Variants in ZNF385D observed in about 807,000 individuals in gnomAD.
The protein encoded by ZNF385D is zinc finger protein 385D.
A neutral mutation model predicts 35.8 loss-of-function variants in ZNF385D; 15 were observed. The observed-to-expected ratio is 0.42, with a 90% CI of 0.28 to 0.64. The LOEUF (loss-of-function observed/expected upper bound fraction) is 0.64, where lower values mean the gene tolerates loss of function less well. Among genes scored for constraint, ZNF385D ranks in the 30% least tolerant of loss-of-function variants. ZNF385D has a pLI of 0.23. For missense variants in ZNF385D, 474 were observed against 494.6 expected, an observed-to-expected ratio of 0.96 and a Z score of 0.39; for synonymous variants, 212 against 186.8, an observed-to-expected ratio of 1.13 and a Z score of -1.10.
At chr3:21,764,580 C>T (rs1486858450) in intron 3 of ZNF385D, among the ~76,000 whole-genome samples, 1 of 152,178 alleles carries the variant, frequency 6.6e-6, no homozygotes, top group Non-Finnish European at 1.5e-5. Flanking sequence ...TTTTGCATGG[C>T]TGGGCTTGTC....
rs1323244009 is a variant in ZNF385D at position 21,675,054 on chromosome 3, C to T, written c.23-10026G>A. Among the ~76,000 whole-genome samples, 13 of 151,994 alleles carry T rather than the reference C, an allele frequency of 8.6e-5. 1 individual carries two copies. Among genetic ancestry groups the T allele is most frequent in the Non-Finnish European group, 1.6e-4 (11 of 67,986 alleles). On this transcript the variant is annotated intron_variant, in intron 1 of 7. Transcript: ENST00000281523. ...TTGTGTCCAAATTAACAATGGTGTA[C>T]ATTTACAAACCAGCAGCTTCTTTGA...
At chr3:22,325,178 G>A (rs778459294) in intron 2 of ZNF385D, among the ~76,000 whole-genome samples, 1 of 152,130 alleles carries the variant, frequency 6.6e-6, no homozygotes, top group Non-Finnish European at 1.5e-5. Flanking sequence ...GGAAGTCCAG[G>A]TGTTTTGTCC....
At chr3:21,785,460 C>T (rs192584369) in intron 3 of ZNF385D, among the ~76,000 whole-genome samples, 47 of 152,174 alleles carry the variant, frequency 3.1e-4, no homozygotes, top group Admixed American at 3.1e-3. Context: ...TTTCAGTACA[C>T]TATGCAATAT....
chr3:21,741,369 C>T (rs1329552630), intron 1 of ZNF385D, among the ~76,000 whole-genome samples: 3 of 152,182 alleles, frequency 2.0e-5, no homozygotes, highest in Admixed American at 6.5e-5. Context: ...TTAACTGATA[C>T]ATTTTCCTTA....
At chr3:21,979,162 G>C (rs1025145232) in intron 3 of ZNF385D, among the ~76,000 whole-genome samples, 2 of 152,110 alleles carry the variant, frequency 1.3e-5, no homozygotes, top group Admixed American at 6.5e-5. Flanking sequence ...CTGTAGAATA[G>C]TCTGGGCTGG....
At chr3:22,271,608 TTG>T (rs887738997) in intron 2 of ZNF385D, among the ~76,000 whole-genome samples, 2 of 151,956 alleles carry the variant, frequency 1.3e-5, no homozygotes, top group Non-Finnish European at 2.9e-5. Flanking sequence ...CCATGTTCTT[TTG>T]TGTTTCCTGA....
rs201594369 is a variant in ZNF385D, at chr3:21,728,095, A to G, written c.22+22800T>C. Among the ~76,000 whole-genome samples, 83 of 152,204 alleles carry G rather than the reference A, an allele frequency of 5.5e-4. 1 individual carries two copies. The East Asian group carries it at 0.014, about 26-fold the overall frequency. On this transcript the variant is annotated intron_variant, in intron 1 of 7. Transcript: ENST00000281523. Reference sequence around the variant, plus strand: ...CGTGGGAGTTGAACAATGAGAACACATGGACACAGGGAGTGAACATCACAC... The same window carrying G: ...CGTGGGAGTTGAACAATGAGAACACGTGGACACAGGGAGTGAACATCACAC...
chr3:21,619,443 T>C (rs1575333713), intron 2 of ZNF385D, among the ~76,000 whole-genome samples: 1 of 151,998 alleles, frequency 6.6e-6, no homozygotes, highest in African/African-American at 2.4e-5. Flanking sequence ...TGTGTGTCTA[T>C]GCATGTAAGT....
intron 3 of ZNF385D, among the ~76,000 whole-genome samples, chr3:22,095,744 A>T (rs1249776629): frequency 6.6e-6 from 1 of 152,006 alleles, no homozygotes; most frequent in African/African-American, 2.4e-5. Flanking sequence ...CTTCTGAGAT[A>T]ATTTCATTAT....
At chr3:22,073,945 G>C (rs1700346849) in intron 3 of ZNF385D, among the ~76,000 whole-genome samples, 1 of 151,810 alleles carries the variant, frequency 6.6e-6, no homozygotes, top group Non-Finnish European at 1.5e-5. Context: ...TGTATTAAAA[G>C]GAACATCATT....
At chr3:21,558,920 T>C (rs1255690067) in intron 3 of ZNF385D, among the ~76,000 whole-genome samples, 1 of 151,994 alleles carries the variant, frequency 6.6e-6, no homozygotes, top group Admixed American at 6.6e-5. Flanking sequence ...TTATGTAATG[T>C]CCTTCTTTGC....
At chr3:21,550,829 A>G (rs906879009) in intron 3 of ZNF385D, among the ~76,000 whole-genome samples, 1 of 152,148 alleles carries the variant, frequency 6.6e-6, no homozygotes, top group Non-Finnish European at 1.5e-5. Flanking sequence ...ATATATTGTA[A>G]TGATACCAAT....
intron 3 of ZNF385D, among the ~76,000 whole-genome samples, chr3:21,932,194 A>G (rs955628534): frequency 7.1e-5 from 10 of 140,808 alleles, no homozygotes; most frequent in Non-Finnish European, 1.1e-4. Flanking sequence ...AAAAAAAAAA[A>G]GTGTGACTTG....
intron 3 of ZNF385D, among the ~76,000 whole-genome samples, chr3:22,127,317 CTTTTTT>C (rs71044975): frequency 1.8e-4 from 10 of 56,328 alleles, no homozygotes; most frequent in Non-Finnish European, 2.3e-4. Context: ...TCATTTCCTG[CTTTTTT>C]TTTTTTTTTT....
chr3:21,972,146 A>C (rs748072082), intron 3 of ZNF385D, among the ~76,000 whole-genome samples: 3 of 152,062 alleles, frequency 2.0e-5, no homozygotes, highest in Non-Finnish European at 4.4e-5. Context: ...TGGCTGCAGA[A>C]TATACATTCT....
intron 1 of ZNF385D, among the ~76,000 whole-genome samples, chr3:21,717,845 T>C (rs1375200387): frequency 6.6e-6 from 1 of 152,234 alleles, no homozygotes; most frequent in Non-Finnish European, 1.5e-5. Flanking sequence ...AAACTTCTTT[T>C]TCTTTATAAA....
At chr3:21,885,035 C>A (rs1487086341) in intron 3 of ZNF385D, among the ~76,000 whole-genome samples, 2 of 151,908 alleles carry the variant, frequency 1.3e-5, no homozygotes, top group Non-Finnish European at 2.9e-5. Flanking sequence ...ACTATATGGT[C>A]CATGAATCCT....
At chr3:22,321,164 G>GTT in intron 2 of ZNF385D, among the ~76,000 whole-genome samples, 1,885 of 76,116 alleles carry the variant, frequency 0.025, 78 homozygotes, top group Non-Finnish European at 0.033. Context: ...TTATGACCTT[G>GTT]TTTTTTTTTT....
intron 2 of ZNF385D, among the ~76,000 whole-genome samples, chr3:22,247,184 T>A (rs1699829944): frequency 6.6e-6 from 1 of 152,142 alleles, no homozygotes; most frequent in African/African-American, 2.4e-5. Flanking sequence ...TATTTCCTAT[T>A]GTTTTTGATA....
Sources: allele counts gnomAD v4.1 joint callset (sites outside exome capture counted in the v4.1 genomes callset), GRCh38; gene constraint gnomAD v4.1.1; transcripts MANE v1.5; gene names NCBI Gene and HGNC (gene_info 2026-07-23, HGNC 2026-07-21).